The following OGDH variants were observed in gnomAD, a reference collection of about 807,000 sequenced individuals.
OGDH encodes oxoglutarate dehydrogenase, also known as 2-oxoglutarate dehydrogenase complex component E1.
A neutral mutation model predicts 116.6 loss-of-function variants in OGDH; 38 were observed. That is an observed-to-expected ratio of 0.33 (90% confidence interval 0.25 to 0.43). The LOEUF is 0.43. OGDH is among the 20% of genes least tolerant of loss of function. The pLI, the probability that OGDH is intolerant of heterozygous loss-of-function variation, is 1.00. For missense variants in OGDH, 825 were observed against 1,357.2 expected, an observed-to-expected ratio of 0.61 and a Z score of 6.16; for synonymous variants, 488 against 533.3, an observed-to-expected ratio of 0.92 and a Z score of 1.17.
At position 44,623,150 on chromosome 7, in the gene OGDH, G is replaced by T. The variant is rs147604911; in HGVS notation, c.-27-1167G>T. Among the ~76,000 whole-genome samples, 949 of 152,244 alleles carry T rather than the reference G, an allele frequency of 6.2e-3. 13 individuals are homozygous for T. The highest frequency in any genetic ancestry group is 0.021 in the African/African-American group (876 of 41,540). ...GCAGGACACTGGACAACCCTCTGTG[G>T]CTTTTCCTTACCCTTCGTAGTACCA... On this transcript the variant is annotated intron_variant, in intron 1 of 22. Transcript: ENST00000222673.
At chr7:44,657,584 T>G (rs1191541934) in intron 4 of OGDH, among the ~76,000 whole-genome samples, 1 of 152,196 alleles carries the variant, frequency 6.6e-6, no homozygotes, top group Non-Finnish European at 1.5e-5. Context: ...TTTAATCTTT[T>G]TTCCCCCTCG....
At chr7:44,635,227 A>C (rs1272472134) in intron 2 of OGDH, among the ~76,000 whole-genome samples, 1 of 152,218 alleles carries the variant, frequency 6.6e-6, no homozygotes, top group Non-Finnish European at 1.5e-5. Context: ...TGGCTGGATT[A>C]GAATGAGCTG....
chr7:44,616,427 A>G (rs1470384372), intron 1 of OGDH, among the ~76,000 whole-genome samples: 1 of 152,068 alleles, frequency 6.6e-6, no homozygotes, highest in Non-Finnish European at 1.5e-5. Flanking sequence ...AGTCCCTACC[A>G]GTGGTGACCA....
chr7:44,641,158 C>T (rs1234041717), intron 2 of OGDH, among the ~76,000 whole-genome samples: 1 of 151,054 alleles, frequency 6.6e-6, no homozygotes, highest in African/African-American at 2.4e-5. Flanking sequence ...GCTTCAGCCT[C>T]CCAAAGTGCT....
intron 5 of OGDH, among the ~76,000 whole-genome samples, chr7:44,669,422 G>C (rs1028565752): frequency 8.5e-5 from 13 of 152,052 alleles, no homozygotes; most frequent in African/African-American, 2.9e-4. Context: ...AAAATGCTGG[G>C]ATTACAGGCA....
At chr7:44,696,261 C>G (rs550126152) in intron 13 of OGDH, 134 bp downstream of exon 13, 2 of 1,034,112 alleles carry the variant, frequency 1.9e-6, no homozygotes, top group African/African-American at 3.2e-5. Flanking sequence ...TTCAGCAAAG[C>G]CCCCTGCAGA....
intron 1 of OGDH, chr7:44,622,783 A>C (rs1294846631): frequency 6.6e-6 from 1 of 152,230 alleles, no homozygotes; most frequent in African/African-American, 2.4e-5. Flanking sequence ...CATGTAGGCC[A>C]GCAAGCACCT....
chr7:44,655,270 A>C (rs1786639164), intron 4 of OGDH, among the ~76,000 whole-genome samples: 3 of 152,154 alleles, frequency 2.0e-5, no homozygotes, highest in African/African-American at 4.8e-5. Context: ...GAGAAAATTT[A>C]AGATTCTTCA....
chr7:44,675,161 T>G lies in OGDH; in HGVS notation c.936-17T>G, dbSNP rs1209967357. ...TGACCTCAGGCTCTGCTCACCCTAC[T>G]CGCCCATACGTTCCAGAGGGCGGCT... On this transcript the variant is annotated splice_polypyrimidine_tract_variant and intron_variant, in intron 7 of 22. Transcript: ENST00000222673. 6.2e-7 allele frequency: 1 copy of G among 1,608,314 alleles called. No individual in the cohort carries two copies. Among genetic ancestry groups the G allele is most frequent in the Non-Finnish European group, 8.5e-7 (1 of 1,175,012 alleles).
At chr7:44,667,474 C>T (rs1325685585) in intron 5 of OGDH, among the ~76,000 whole-genome samples, 1 of 152,130 alleles carries the variant, frequency 6.6e-6, no homozygotes, top group African/African-American at 2.4e-5. Flanking sequence ...TGAGTGGTGG[C>T]CACTCTTCTT....
In OGDH at chr7:44,708,178, C is replaced by T; in HGVS notation, c.*179C>T. The T allele has an allele frequency of 1.2e-6, 1 of 802,030 alleles. No individual in the cohort carries two copies. Among genetic ancestry groups the T allele is most frequent in the African/African-American group, 1.7e-5 (1 of 57,834 alleles). 49.7% of individuals were successfully genotyped at this position (802,030 alleles called of 1,614,324 possible). ...CGTCCCCCTCCAGTGCTTGGCTGCC[C>T]CACAGGCCACACGCTGCCCAGGCTC... On this transcript the variant is annotated 3_prime_UTR_variant, in exon 23 of 23. Coordinates refer to ENST00000222673, the MANE Select transcript of OGDH (RefSeq NM_002541.4).
chr7:44,611,899 T>C (rs76910764), intron 1 of OGDH, among the ~76,000 whole-genome samples: 9,809 of 152,118 alleles, frequency 0.064, 404 homozygotes, highest in East Asian at 0.12. Context: ...CAAGATCAAA[T>C]AGATATTCTA....
intron 1 of OGDH, among the ~76,000 whole-genome samples, chr7:44,614,069 G>A (rs1784673024): frequency 6.6e-6 from 1 of 152,072 alleles, no homozygotes; most frequent in African/African-American, 2.4e-5. Context: ...GCCTCCCAAA[G>A]TGCTGGGATT....
At chr7:44,609,339 CAAAAAA>C (rs1185554089) in intron 1 of OGDH, among the ~76,000 whole-genome samples, 1 of 81,616 alleles carries the variant, frequency 1.2e-5, no homozygotes. Context: ...CTCGTCTCTA[CAAAAAA>C]AAAAAAAAAA....
chr7:44,678,473 C>A (rs1326277966), intron 9 of OGDH, among the ~76,000 whole-genome samples: 1 of 152,196 alleles, frequency 6.6e-6, no homozygotes, highest in African/African-American at 2.4e-5. Flanking sequence ...ATATTTTAAA[C>A]TGCTACAGAT....
intron 9 of OGDH, among the ~76,000 whole-genome samples, chr7:44,679,617 T>G (rs1025278714): frequency 2.6e-5 from 4 of 152,140 alleles, no homozygotes; most frequent in Admixed American, 2.0e-4. Flanking sequence ...GTATATCACC[T>G]TGGCTAGCCA....
chr7:44,630,921 A>G (rs6963323), intron 2 of OGDH, among the ~76,000 whole-genome samples: 2,653 of 152,266 alleles, frequency 0.017, 75 homozygotes, highest in African/African-American at 0.06. Flanking sequence ...GATCCCTTGC[A>G]TGCACAGCTC....
intron 1 of OGDH, among the ~76,000 whole-genome samples, chr7:44,619,248 T>C (rs777580856): frequency 2.6e-5 from 4 of 152,188 alleles, no homozygotes; most frequent in Non-Finnish European, 5.9e-5. Context: ...GAGGGGGTCA[T>C]GGGATCTCCA....
intron 1 of OGDH, among the ~76,000 whole-genome samples, chr7:44,619,846 G>C (rs1784942365): frequency 6.6e-6 from 1 of 151,782 alleles, no homozygotes; most frequent in African/African-American, 2.4e-5. Flanking sequence ...TATCTTCTTT[G>C]GACAAATATC....
Sources: allele counts gnomAD v4.1 joint callset (sites outside exome capture counted in the v4.1 genomes callset), GRCh38; gene constraint gnomAD v4.1.1; transcripts MANE v1.5; gene names NCBI Gene and HGNC (gene_info 2026-07-23, HGNC 2026-07-21).